Variants in KLF12 observed in about 807,000 individuals in gnomAD.
The protein encoded by KLF12 is KLF transcription factor 12.
Under a neutral mutation model 37.8 loss-of-function variants are expected in KLF12, and 9 were observed. The observed-to-expected ratio is 0.24, with a 90% CI of 0.14 to 0.42. The LOEUF (loss-of-function observed/expected upper bound fraction) is 0.42. Among genes scored for constraint, KLF12 ranks in the 10% least tolerant of loss-of-function variants. KLF12 has a pLI of 1.00. For missense variants in KLF12, 411 were observed against 516.0 expected, an observed-to-expected ratio of 0.80 and a Z score of 1.97; for synonymous variants, 208 against 202.1, an observed-to-expected ratio of 1.03 and a Z score of -0.25.
At chr13:73,788,640 ATT>A (rs58962220) in intron 5 of KLF12, among the ~76,000 whole-genome samples, 92 of 148,618 alleles carry the variant, frequency 6.2e-4, no homozygotes, top group African/African-American at 2.1e-3. Flanking sequence ...ATGCCTGCTA[ATT>A]TTTTTTTTTT....
At chr13:74,217,093 A>G in the KLF12 span, among the ~76,000 whole-genome samples, 1 of 152,182 alleles carries the variant, frequency 6.6e-6, no homozygotes, top group South Asian at 2.1e-4. Context: ...TAAAAGAAAA[A>G]CTCAAATCAT....
At chr13:74,058,692 T>C (rs982752512) in intron 1 of KLF12, among the ~76,000 whole-genome samples, 2 of 152,172 alleles carry the variant, frequency 1.3e-5, no homozygotes, top group African/African-American at 2.4e-5. Context: ...TAAAAATGCA[T>C]AGCCATACAC....
At chr13:73,697,112 C>CACA (rs764901627) in intron 7 of KLF12, among the ~76,000 whole-genome samples, 1 of 150,854 alleles carries the variant, frequency 6.6e-6, no homozygotes, top group African/African-American at 2.4e-5. Flanking sequence ...CACACACACA[C>CACA]AAATACACAC....
At chr13:73,704,729 C>T (rs944430671) in intron 7 of KLF12, among the ~76,000 whole-genome samples, 2 of 152,192 alleles carry the variant, frequency 1.3e-5, no homozygotes, top group South Asian at 2.1e-4. Flanking sequence ...CTTCACACCA[C>T]GCTGTGATTG....
chr13:74,156,535 C>G, the KLF12 span, among the ~76,000 whole-genome samples: 3 of 151,990 alleles, frequency 2.0e-5, no homozygotes, highest in African/African-American at 7.3e-5. Flanking sequence ...CTACAGCCAC[C>G]TTATTGTGCT....
At chr13:73,997,998 G>T (rs61959773) in intron 1 of KLF12, among the ~76,000 whole-genome samples, 1 of 152,124 alleles carries the variant, frequency 6.6e-6, no homozygotes, top group Admixed American at 6.5e-5. Context: ...TTTCTCTTTA[G>T]TAGCTGCAAG....
At chr13:73,876,599 G>A (rs535647665) in intron 3 of KLF12, among the ~76,000 whole-genome samples, 4 of 152,254 alleles carry the variant, frequency 2.6e-5, no homozygotes, top group East Asian at 3.9e-4. Flanking sequence ...ATTCATTTAC[G>A]TGGCTTATAA....
At chr13:74,197,073 G>A in the KLF12 span, among the ~76,000 whole-genome samples, 3 of 152,052 alleles carry the variant, frequency 2.0e-5, no homozygotes, top group South Asian at 6.2e-4. Context: ...CTGTGTTCAG[G>A]TATAAGCCTT....
the KLF12 span, among the ~76,000 whole-genome samples, chr13:74,150,090 T>C: frequency 6.6e-6 from 1 of 152,230 alleles, no homozygotes; most frequent in East Asian, 1.9e-4. Context: ...TTTTATTTTC[T>C]CTCTCCCTCT....
At chr13:74,195,817 C>G in the KLF12 span, among the ~76,000 whole-genome samples, 4 of 152,132 alleles carry the variant, frequency 2.6e-5, no homozygotes, top group South Asian at 2.1e-4. Flanking sequence ...CTCCTGACCT[C>G]AAATAATCAG....
chr13:74,273,190 T>C, the KLF12 span, among the ~76,000 whole-genome samples: 300 of 152,292 alleles, frequency 2.0e-3, 3 homozygotes, highest in South Asian at 0.028. Context: ...GGCATATAGT[T>C]ATGATGCAAC....
At chr13:74,123,729 A>G (rs748302736) in intron 1 of KLF12, among the ~76,000 whole-genome samples, 4 of 152,334 alleles carry the variant, frequency 2.6e-5, no homozygotes, top group South Asian at 2.1e-4. Flanking sequence ...TGAGCTAGAC[A>G]CTAGTGACAC....
At chr13:73,876,124 T>C (rs550760667) in intron 3 of KLF12, among the ~76,000 whole-genome samples, 1 of 151,696 alleles carries the variant, frequency 6.6e-6, no homozygotes, top group African/African-American at 2.4e-5. Flanking sequence ...TCCAGCACAT[T>C]TTAGCTGGGT....
Position 74,076,401 on chromosome 13 carries a change from C to CCCTTGGA in KLF12, c.-32+57337_-32+57338insTCCAAGG, listed in dbSNP as rs1206224797. Reference sequence around the variant, plus strand: ...TCAAGGGGCTGGAAGGTTTGTCAGACAGGTGAGGGGTGTTCTCTGCTTCCA... The same window carrying CCCTTGGA: ...TCAAGGGGCTGGAAGGTTTGTCAGACCCTTGGAAGGTGAGGGGTGTTCTCTGCTTCCA... On this transcript the variant is annotated intron_variant, in intron 1 of 7. Transcript: ENST00000377669. Among the ~76,000 whole-genome samples, 4 of 152,248 alleles carry CCCTTGGA rather than the reference C, an allele frequency of 2.6e-5. No homozygotes were observed. The East Asian group carries it at 7.7e-4, about 29-fold the overall frequency.
At chr13:74,094,416 A>G (rs1875857981) in intron 1 of KLF12, among the ~76,000 whole-genome samples, 1 of 152,020 alleles carries the variant, frequency 6.6e-6, no homozygotes. Context: ...TTTCCTTTAC[A>G]TATCATCATT....
At chr13:73,895,176 C>T (rs1309251956) in intron 3 of KLF12, among the ~76,000 whole-genome samples, 1 of 151,992 alleles carries the variant, frequency 6.6e-6, no homozygotes, top group East Asian at 1.9e-4. Flanking sequence ...TTTTTGCTGC[C>T]AAATCTATGT....
chr13:74,152,215 T>C, the KLF12 span, among the ~76,000 whole-genome samples: 1 of 152,228 alleles, frequency 6.6e-6, no homozygotes, highest in Non-Finnish European at 1.5e-5. Flanking sequence ...AAAAATTTGA[T>C]TTCTCAATAC....
chr13:73,777,091 A>T (rs959246162), intron 5 of KLF12, among the ~76,000 whole-genome samples: 1 of 152,246 alleles, frequency 6.6e-6, no homozygotes, highest in African/African-American at 2.4e-5. Context: ...TGGAAATATG[A>T]TTACTTCGAG....
At chr13:74,073,622 A>G (rs540799833) in intron 1 of KLF12, among the ~76,000 whole-genome samples, 6 of 152,248 alleles carry the variant, frequency 3.9e-5, no homozygotes, top group Admixed American at 2.6e-4. Context: ...ACCAAACAAA[A>G]TATTTTTTAA....
Sources: allele counts gnomAD v4.1 joint callset (sites outside exome capture counted in the v4.1 genomes callset), GRCh38; gene constraint gnomAD v4.1.1; transcripts MANE v1.5; gene names NCBI Gene and HGNC (gene_info 2026-07-23, HGNC 2026-07-21).